COL26A1: variants seen among roughly 807,000 people sequenced by gnomAD.
The protein encoded by COL26A1 is collagen type XXVI alpha 1 chain.
In COL26A1, 41 loss-of-function variants were observed where a neutral mutation model predicts 59.3. The ratio of observed to expected loss-of-function variants is 0.69; its 90% confidence interval spans 0.54 to 0.90. The LOEUF is 0.90. COL26A1 is among the 40% of genes least tolerant of loss of function. The pLI is 0.00. For synonymous variants in COL26A1, 266 were observed against 256.0 expected (o/e 1.04, Z -0.37); for missense variants, 612 against 602.3 (o/e 1.02, Z -0.17).
At chr7:101,532,221 A>T (rs1272298872) in intron 3 of COL26A1, among the ~76,000 whole-genome samples, 1 of 152,108 alleles carries the variant, frequency 6.6e-6, no homozygotes, top group Admixed American at 6.6e-5. Context: ...CAAGGCTCCT[A>T]ATTGGCCTTC....
At chr7:101,554,957 G>A (rs1055134346) in intron 11 of COL26A1, among the ~76,000 whole-genome samples, 2 of 152,028 alleles carry the variant, frequency 1.3e-5, no homozygotes, top group East Asian at 3.9e-4. Flanking sequence ...AACCCAGTAG[G>A]ATGCTTTTTG....
At chr7:101,469,934 G>A (rs943240692) in intron 3 of COL26A1, among the ~76,000 whole-genome samples, 5 of 152,078 alleles carry the variant, frequency 3.3e-5, no homozygotes, top group South Asian at 2.1e-4. Flanking sequence ...GTGAAGTGGC[G>A]TCGCTGTCTG....
chr7:101,384,230 GTTT>G (rs35085221), intron 1 of COL26A1, among the ~76,000 whole-genome samples: 3 of 105,676 alleles, frequency 2.8e-5, no homozygotes, highest in Non-Finnish European at 5.5e-5. Context: ...GTTCAGGCTG[GTTT>G]TTTTTTTTTT....
intron 1 of COL26A1, among the ~76,000 whole-genome samples, chr7:101,399,659 A>G (rs1307413725): frequency 2.6e-5 from 4 of 152,042 alleles, no homozygotes; most frequent in African/African-American, 9.7e-5. Flanking sequence ...GAGTTTCACC[A>G]TGTTGCCCAG....
intron 3 of COL26A1, among the ~76,000 whole-genome samples, chr7:101,476,510 C>T (rs116236501): frequency 0.076 from 11,491 of 151,036 alleles, 651 homozygotes; most frequent in African/African-American, 0.16. Context: ...AGGAAAAAAC[C>T]GGGTTGGTTA....
intron 5 of COL26A1, among the ~76,000 whole-genome samples, chr7:101,541,792 C>G (rs1247762050): frequency 1.2e-4 from 18 of 152,152 alleles, no homozygotes; most frequent in Non-Finnish European, 2.2e-4. Context: ...ATGAAGCCCT[C>G]CTGGTTGCCA....
intron 3 of COL26A1, among the ~76,000 whole-genome samples, chr7:101,527,532 C>T (rs998966312): frequency 1.3e-5 from 2 of 150,738 alleles, no homozygotes; most frequent in Non-Finnish European, 3.0e-5. Context: ...GACGGGGTTT[C>T]ACCATGTTGG....
chr7:101,446,568 C>T (rs1020336872), intron 2 of COL26A1, among the ~76,000 whole-genome samples: 2 of 152,056 alleles, frequency 1.3e-5, no homozygotes, highest in Admixed American at 6.6e-5. Context: ...GAAAGATGGC[C>T]GGGTGCCATG....
At chr7:101,384,088 A>G (rs1255891686) in intron 1 of COL26A1, among the ~76,000 whole-genome samples, 1 of 152,056 alleles carries the variant, frequency 6.6e-6, no homozygotes, top group East Asian at 1.9e-4. Flanking sequence ...ATCACTCTTT[A>G]CTGCAGCTTC....
intron 3 of COL26A1, among the ~76,000 whole-genome samples, chr7:101,496,326 T>C (rs1391356674): frequency 6.6e-6 from 1 of 152,182 alleles, no homozygotes; most frequent in Non-Finnish European, 1.5e-5. Context: ...AGCAGGTCAA[T>C]TTACCAAGAC....
intron 1 of COL26A1, among the ~76,000 whole-genome samples, chr7:101,384,352 T>TC (rs1791520013): frequency 1.3e-5 from 2 of 150,322 alleles, no homozygotes; most frequent in African/African-American, 4.9e-5. Flanking sequence ...TTCTCCTGCC[T>TC]CAGCCTCCCG....
Position 101,545,386 on chromosome 7 carries a change from G to T in COL26A1, c.752G>T (p.Arg251Leu). 4 of 1,587,704 alleles carry T rather than the reference G, an allele frequency of 2.5e-6. No homozygotes were observed. The East Asian group carries it at 9.3e-5, about 37-fold the overall frequency. Residue 251 changes from arginine to leucine, a missense_variant, in exon 7 of 13, where the codon CGC becomes CTC. Physicochemically the swap from Arg to Leu is moderately radical, Grantham distance 102. Coordinates refer to ENST00000313669, the MANE Select transcript of COL26A1 (RefSeq NM_001278563.3). ...CGTGGGCTTCCTGGAGAGATGGGGC[G>T]CCCCGGCCCCCCAGGACCACCCGGC... ...GPRGLPGEMG[R>L]PGPPGPPGPA...
At chr7:101,505,317 G>A (rs1414597600) in intron 3 of COL26A1, among the ~76,000 whole-genome samples, 1 of 151,990 alleles carries the variant, frequency 6.6e-6, no homozygotes, top group Non-Finnish European at 1.5e-5. Context: ...AGTGTGATGG[G>A]TGTGTGGGCA....
At chr7:101,378,061 A>G (rs1247899458) in intron 1 of COL26A1, among the ~76,000 whole-genome samples, 1 of 152,100 alleles carries the variant, frequency 6.6e-6, no homozygotes, top group Non-Finnish European at 1.5e-5. Flanking sequence ...GTGCACCAGC[A>G]TGTCTGGCTA....
intron 1 of COL26A1, among the ~76,000 whole-genome samples, chr7:101,397,386 TTC>T (rs572177623): frequency 9.0e-4 from 137 of 151,568 alleles, no homozygotes; most frequent in African/African-American, 3.2e-3. Flanking sequence ...TTCATCTTCT[TTC>T]TTTTTTTTTA....
chr7:101,489,776 TTC>T (rs1340744181), intron 3 of COL26A1, among the ~76,000 whole-genome samples: 3 of 2,818 alleles, frequency 1.1e-3, no homozygotes. Context: ...CTTTCTTTCT[TTC>T]TTTCTTTCTT....
In COL26A1 at chr7:101,424,230, CTT is replaced by C. The variant is rs530135528; in HGVS notation, c.281+4132_281+4133del. Among the ~76,000 whole-genome samples, 1,381 of 151,954 alleles carry C rather than the reference CTT, an allele frequency of 9.1e-3. 13 individuals are homozygous for C. Among genetic ancestry groups the C allele is most frequent in the Non-Finnish European group, 0.014 (969 of 67,950 alleles). ...TAAATAAATAAATACAATAATAAAA[CTT>C]AATTTTCATTCTCTTAGAGAAATCC... On this transcript the variant is annotated intron_variant, in intron 2 of 12. Coordinates refer to ENST00000313669, the MANE Select transcript of COL26A1 (RefSeq NM_001278563.3).
chr7:101,440,441 G>A (rs1793028446), intron 2 of COL26A1, among the ~76,000 whole-genome samples: 1 of 152,202 alleles, frequency 6.6e-6, no homozygotes, highest in African/African-American at 2.4e-5. Context: ...TCTTCATGGG[G>A]ACAGGAGGCC....
At chr7:101,390,735 T>G (rs1316733976) in intron 1 of COL26A1, among the ~76,000 whole-genome samples, 2 of 152,158 alleles carry the variant, frequency 1.3e-5, no homozygotes. Flanking sequence ...TGGAGCCACT[T>G]TTAAAGAAGC....
Sources: allele counts gnomAD v4.1 joint callset (sites outside exome capture counted in the v4.1 genomes callset), GRCh38; gene constraint gnomAD v4.1.1; transcripts MANE v1.5; gene names NCBI Gene and HGNC (gene_info 2026-07-23, HGNC 2026-07-21).